Variants in NOTCH2 observed in about 807,000 individuals in gnomAD.
The protein encoded by NOTCH2 is neurogenic locus notch homolog protein 2.
NOTCH2 carries 29 observed loss-of-function variants against 235.8 expected under a neutral mutation model. That is an observed-to-expected ratio of 0.12 (90% confidence interval 0.09 to 0.17). The LOEUF is 0.17. Ranked by LOEUF, NOTCH2 falls within the 10% of genes least tolerant of loss-of-function variation. The pLI is 1.00. For missense variants in NOTCH2, 2,285 were observed against 3,150.2 expected (o/e 0.73, Z 6.57); for synonymous variants, 1,086 against 1,141.5 (o/e 0.95, Z 0.98).
At chr1:120,025,358 G>A (rs1406153221) in intron 2 of NOTCH2, among the ~76,000 whole-genome samples, 5 of 151,974 alleles carry the variant, frequency 3.3e-5, no homozygotes, top group Non-Finnish European at 7.4e-5. Flanking sequence ...AACACCTCAG[G>A]GCTTGGTAGG....
At chr1:119,966,597 T>C in intron 8 of NOTCH2, 108 bp from the exon 9 acceptor site, 5 of 793,688 alleles carry the variant, frequency 6.3e-6, no homozygotes, top group Non-Finnish European at 6.8e-6. Context: ...GTACACACAT[T>C]TCTGCAGAGA....
At position 119,954,915 on chromosome 1, in the gene NOTCH2, T is replaced by C. The variant is rs587595949; in HGVS notation, c.2219+125A>G. 11 of 908,228 alleles carry C rather than the reference T, an allele frequency of 1.2e-5. No homozygotes were observed. The South Asian group carries it at 1.6e-4, about 13-fold the overall frequency. 56.3% of individuals were successfully genotyped at this position (908,228 alleles called of 1,614,324 possible). ...TAATTCAGAAGGCTTTGATGCAGAC[T>C]ACCAAATCTTCAGCAAAGTTTCAGC... On this transcript the variant is annotated intron_variant, in intron 13 of 33. Coordinates refer to ENST00000256646, the MANE Select transcript of NOTCH2 (RefSeq NM_024408.4).
At chr1:119,967,701 G>A in intron 7 of NOTCH2, 80 bp from the exon 8 acceptor site, 1 of 1,223,940 alleles carries the variant, frequency 8.2e-7, no homozygotes, top group Admixed American at 1.7e-5. Context: ...GCATCTGATG[G>A]TTATAGCATC....
intron 12 of NOTCH2, among the ~76,000 whole-genome samples, chr1:119,957,829 A>ACAC (rs1650762079): frequency 1.7e-5 from 2 of 116,438 alleles, no homozygotes; most frequent in South Asian, 3.4e-4. Flanking sequence ...GCCTTATATA[A>ACAC]ACACACACAC....
chr1:119,917,790 A>C (rs1203056396), intron 32 of NOTCH2, 28 bp from the exon 33 acceptor site: 1 of 1,291,056 alleles, frequency 7.7e-7, no homozygotes, highest in South Asian at 1.2e-5. Flanking sequence ...TTTTATAAAC[A>C]GACATATCCT....
At chr1:119,981,515 A>G (rs1282283189) in intron 5 of NOTCH2, among the ~76,000 whole-genome samples, 1 of 152,202 alleles carries the variant, frequency 6.6e-6, no homozygotes, top group Non-Finnish European at 1.5e-5. Context: ...GGGGGCTTAG[A>G]GAGCCATGAA....
rs587673878 is a variant in NOTCH2, at chr1:119,911,824, C to G, written c.*3482G>C. The G allele has an allele frequency of 4.3e-6, 1 of 233,266 alleles. No individual in the cohort carries two copies. The highest frequency in any genetic ancestry group is 2.2e-5 in the African/African-American group (1 of 45,478). The allele number at this position is 233,266 out of a possible 1,614,324, so 14.4% of individuals were successfully genotyped here. On this transcript the variant is annotated 3_prime_UTR_variant, in exon 34 of 34. Coordinates refer to ENST00000256646, the MANE Select transcript of NOTCH2 (RefSeq NM_024408.4). ...ACCATCTGTTTGTCACCAGCTATGGCTAGTGCACAGAAGAGTGCTCAGTTT... is the reference window on the plus strand; with the variant it reads ...ACCATCTGTTTGTCACCAGCTATGGGTAGTGCACAGAAGAGTGCTCAGTTT...
chr1:119,938,023 C>T lies in NOTCH2; in HGVS notation c.3184-13G>A. On this transcript the variant is annotated splice_polypyrimidine_tract_variant and intron_variant, in intron 19 of 33. Coordinates refer to ENST00000256646, the MANE Select transcript of NOTCH2 (RefSeq NM_024408.4). ...GATTCACCAGGGTCTGAAACAGAGG[C>T]AGGGGTGTACATACATCAAAATTCA... 6.2e-7 allele frequency: 1 copy of T among 1,613,830 alleles called. No individual in the cohort carries two copies. Among genetic ancestry groups the T allele is most frequent in the Non-Finnish European group, 8.5e-7 (1 of 1,179,764 alleles).
At position 119,964,365 on chromosome 1, in the gene NOTCH2, C is replaced by T. The variant is rs116709883; in HGVS notation, c.1682-558G>A. ...AGAGACAAGTAAGATTTCCTTTCTT[C>T]GAGGTGTAAATAGACAAACATTATA... On this transcript the variant is annotated intron_variant, in intron 10 of 33. Transcript: ENST00000256646. 2.5e-3 allele frequency among the ~76,000 whole-genome samples: 373 copies of T among 152,226 alleles called. 1 individual carries two copies. Among genetic ancestry groups the T allele is most frequent in the African/African-American group, 8.7e-3 (361 of 41,536 alleles).
chr1:120,062,579 C>T (rs1460591321), intron 1 of NOTCH2, among the ~76,000 whole-genome samples: 4 of 77,218 alleles, frequency 5.2e-5, no homozygotes, highest in Non-Finnish European at 9.2e-5. Flanking sequence ...TAATTGTGTG[C>T]TTATCTGTCT....
intron 2 of NOTCH2, among the ~76,000 whole-genome samples, chr1:120,011,703 C>T (rs868970930): frequency 4.6e-5 from 7 of 152,004 alleles, no homozygotes; most frequent in Non-Finnish European, 8.8e-5. Flanking sequence ...ATGAGGAACT[C>T]GAAGCTTAGA....
intron 33 of NOTCH2, 133 bp from the exon 34 acceptor site, chr1:119,916,827 A>G: frequency 1.1e-6 from 1 of 875,216 alleles, no homozygotes; most frequent in Non-Finnish European, 1.9e-6. Context: ...TATTAACACC[A>G]CAGATAGGCT....
intron 31 of NOTCH2, 25 bp downstream of exon 31, chr1:119,919,287 A>G: frequency 6.3e-7 from 1 of 1,592,800 alleles, no homozygotes; most frequent in South Asian, 1.1e-5. Flanking sequence ...ATTATTATTC[A>G]AGTGACTCTT....
chr1:119,943,176 C>T (rs1482364751), intron 17 of NOTCH2, among the ~76,000 whole-genome samples: 6 of 152,116 alleles, frequency 3.9e-5, no homozygotes, highest in Non-Finnish European at 7.4e-5. Flanking sequence ...TTATCACTGC[C>T]GGCACCTAGC....
intron 21 of NOTCH2, 80 bp downstream of exon 21, chr1:119,937,202 C>T: frequency 7.3e-7 from 1 of 1,377,556 alleles, no homozygotes; most frequent in East Asian, 2.3e-5. Flanking sequence ...ATACAAGCAG[C>T]TAAATTCAAT....
chr1:119,918,353 G>C (rs1158362539), intron 32 of NOTCH2, 53 bp downstream of exon 32: 5 of 1,604,940 alleles, frequency 3.1e-6, no homozygotes, highest in Middle Eastern at 1.9e-4. Context: ...TATTCCCCTC[G>C]TCAGAGGCAT....
intron 30 of NOTCH2, 92 bp downstream of exon 30, chr1:119,920,137 G>T: frequency 1.4e-6 from 2 of 1,441,692 alleles, no homozygotes; most frequent in Non-Finnish European, 1.9e-6. Flanking sequence ...TTGGGAAGGG[G>T]TTTATGACTG....
chr1:119,942,218 G>T (rs587726836), intron 17 of NOTCH2, among the ~76,000 whole-genome samples: 1 of 151,166 alleles, frequency 6.6e-6, no homozygotes, highest in East Asian at 1.9e-4. Context: ...CTCTCTTTTA[G>T]ATTTCAGTAG....
chr1:119,949,047 A>C lies in NOTCH2; in HGVS notation c.2559T>G (p.Asn853Lys). 1 of 1,614,178 alleles carries C rather than the reference A, an allele frequency of 6.2e-7. No individual in the cohort carries two copies. The highest frequency in any genetic ancestry group is 8.5e-7 in the Non-Finnish European group (1 of 1,180,016). ...ENAAVCKESP[N>K]FESYTCLCAP... ...CACACAAGCAAGTATAACTCTCAAA[A>C]TTTGGTGACTCTTTGCAAACAGCAG... is the stretch of plus-strand genomic sequence containing the variant. The change falls in exon 16 of 34, where the codon AAT (asparagine) becomes AAG (lysine). Residue 853 changes from asparagine to lysine, a missense_variant. Coordinates refer to ENST00000256646, the MANE Select transcript of NOTCH2 (RefSeq NM_024408.4).
Sources: allele counts gnomAD v4.1 joint callset (sites outside exome capture counted in the v4.1 genomes callset), GRCh38; gene constraint gnomAD v4.1.1; transcripts MANE v1.5; gene names NCBI Gene and HGNC (gene_info 2026-07-23, HGNC 2026-07-21).